The following PRKCQ variants were observed in gnomAD, a reference collection of about 807,000 sequenced individuals.
PRKCQ encodes protein kinase C theta type.
PRKCQ carries 41 observed loss-of-function variants against 91.2 expected under a neutral mutation model. The ratio of observed to expected loss-of-function variants is 0.45; its 90% CI spans 0.35 to 0.58. The LOEUF is 0.58. PRKCQ is among the 20% of genes least tolerant of loss of function. PRKCQ has a pLI of 0.00. For missense variants in PRKCQ, 673 were observed against 896.5 expected (o/e 0.75, Z 3.18); for synonymous variants, 307 against 316.9 (o/e 0.97, Z 0.33).
chr10:6,541,244 A>G (rs1367179996), intron 1 of PRKCQ, among the ~76,000 whole-genome samples: 2 of 152,036 alleles, frequency 1.3e-5, no homozygotes, highest in Non-Finnish European at 2.9e-5. Context: ...TAAGCTGTTG[A>G]CTCTGCGTAA....
rs768641267 is a variant in PRKCQ at position 6,486,020 on chromosome 10, G to A, written c.900+15C>T. The A allele has an allele frequency of 5.6e-6, 9 of 1,605,482 alleles. No individual in the cohort carries two copies. Among genetic ancestry groups the A allele is most frequent in the East Asian group, 2.2e-5 (1 of 44,722 alleles). Reference sequence around the variant, plus strand: ...GCGGCCATGGCGGGAACGTGTCCACGGCACATGCTCCTACCTGTTGAGTGC... The same window carrying A: ...GCGGCCATGGCGGGAACGTGTCCACAGCACATGCTCCTACCTGTTGAGTGC... On this transcript the variant is annotated intron_variant, in intron 9 of 17. Coordinates refer to ENST00000263125, the MANE Select transcript of PRKCQ (RefSeq NM_006257.5).
intron 4 of PRKCQ, among the ~76,000 whole-genome samples, chr10:6,501,903 C>T (rs1339252912): frequency 3.3e-5 from 5 of 152,036 alleles, no homozygotes; most frequent in African/African-American, 1.2e-4. Context: ...CAAGGTCAAC[C>T]TCCCAGAATC....
intron 1 of PRKCQ, among the ~76,000 whole-genome samples, chr10:6,519,193 G>A (rs1838900617): frequency 6.6e-6 from 1 of 152,186 alleles, no homozygotes; most frequent in South Asian, 2.1e-4. Flanking sequence ...GGATTTCCCT[G>A]GGTGTTTAAC....
At chr10:6,432,419 TC>T (rs147596607) in intron 16 of PRKCQ, among the ~76,000 whole-genome samples, 1,889 of 152,276 alleles carry the variant, frequency 0.012, 33 homozygotes, top group African/African-American at 0.042. Flanking sequence ...CTTTTAAAGT[TC>T]CGGGTGAAAT....
At chr10:6,531,527 A>G (rs1839394874) in intron 1 of PRKCQ, among the ~76,000 whole-genome samples, 1 of 151,402 alleles carries the variant, frequency 6.6e-6, no homozygotes, top group Non-Finnish European at 1.5e-5. Context: ...ACCCTGTTCT[A>G]AATAAATGGC....
At chr10:6,498,137 T>A (rs2130821362) in intron 5 of PRKCQ, among the ~76,000 whole-genome samples, 1 of 152,242 alleles carries the variant, frequency 6.6e-6, no homozygotes, top group Admixed American at 6.5e-5. Flanking sequence ...TCTTCCCACT[T>A]ACCCCCAATA....
At chr10:6,415,254 C>T in the PRKCQ span, among the ~76,000 whole-genome samples, 31 of 151,712 alleles carry the variant, frequency 2.0e-4, no homozygotes, top group African/African-American at 6.8e-4. Flanking sequence ...TGAGCCACTG[C>T]GCCTGGCCTG....
intron 15 of PRKCQ, among the ~76,000 whole-genome samples, chr10:6,443,026 A>C (rs1408493670): frequency 1.3e-5 from 2 of 152,216 alleles, no homozygotes; most frequent in Non-Finnish European, 2.9e-5. Context: ...AGCTACCTAC[A>C]GCTCGATAGC....
At chr10:6,450,892 C>T (rs149803240) in intron 15 of PRKCQ, among the ~76,000 whole-genome samples, 58,435 of 151,784 alleles carry the variant, frequency 0.38, 11,627 homozygotes, top group East Asian at 0.5. Context: ...AACAAAGACA[C>T]AACATACCAG....
chr10:6,458,840 G>C (rs760993918), intron 14 of PRKCQ, among the ~76,000 whole-genome samples: 9 of 152,168 alleles, frequency 5.9e-5, no homozygotes, highest in Non-Finnish European at 1.3e-4. Flanking sequence ...GTTCTTCTTA[G>C]TTCTAATACT....
chr10:6,482,497 C>T lies in PRKCQ; in HGVS notation c.1179+943G>A, dbSNP rs572458223. Among the ~76,000 whole-genome samples, 20 of 152,186 alleles carry T rather than the reference C, an allele frequency of 1.3e-4. No individual in the cohort carries two copies. The South Asian group carries it at 4.0e-3, about 30-fold the overall frequency. ...ATGATATGAAGGCATGGAGAGAGGG[C>T]GACCATTGCAAAGCATGGAGAGGGG... On this transcript the variant is annotated intron_variant, in intron 11 of 17. Coordinates refer to ENST00000263125, the MANE Select transcript of PRKCQ (RefSeq NM_006257.5).
chr10:6,561,110 C>T (rs1434884693), intron 1 of PRKCQ, among the ~76,000 whole-genome samples: 3 of 151,564 alleles, frequency 2.0e-5, no homozygotes, highest in Non-Finnish European at 4.4e-5. Flanking sequence ...GGTGCTCATA[C>T]CTGTAATCCC....
intron 1 of PRKCQ, among the ~76,000 whole-genome samples, chr10:6,567,400 C>T (rs1465060862): frequency 2.6e-5 from 4 of 152,252 alleles, no homozygotes; most frequent in African/African-American, 7.2e-5. Context: ...GCAGAACACA[C>T]GGATGGAGAT....
the PRKCQ span, among the ~76,000 whole-genome samples, chr10:6,420,129 T>G: frequency 6.6e-6 from 1 of 152,122 alleles, no homozygotes; most frequent in Non-Finnish European, 1.5e-5. Flanking sequence ...GCTGGGATTA[T>G]AGGTGCGCAC....
chr10:6,420,537 G>A, the PRKCQ span, among the ~76,000 whole-genome samples: 10 of 152,030 alleles, frequency 6.6e-5, no homozygotes, highest in South Asian at 2.1e-4. Context: ...CCTCACTCCC[G>A]CCTTTTTTTT....
At chr10:6,401,027 G>A in the PRKCQ span, among the ~76,000 whole-genome samples, 2 of 152,182 alleles carry the variant, frequency 1.3e-5, no homozygotes, top group African/African-American at 4.8e-5. Flanking sequence ...AATGGACTGA[G>A]TCACATAGCA....
intron 12 of PRKCQ, among the ~76,000 whole-genome samples, chr10:6,466,439 G>A (rs926957367): frequency 6.6e-6 from 1 of 152,180 alleles, no homozygotes; most frequent in African/African-American, 2.4e-5. Flanking sequence ...AGAAGACTAC[G>A]TTACTAGTGA....
At chr10:6,499,116 T>C (rs2130824398) in intron 4 of PRKCQ, among the ~76,000 whole-genome samples, 1 of 152,302 alleles carries the variant, frequency 6.6e-6, no homozygotes, top group African/African-American at 2.4e-5. Context: ...TGGGACATTG[T>C]GTCCTGGTTC....
At chr10:6,394,854 A>G in the PRKCQ span, among the ~76,000 whole-genome samples, 3 of 146,744 alleles carry the variant, frequency 2.0e-5, no homozygotes, top group Non-Finnish European at 4.5e-5. Context: ...GTTCTTCCAC[A>G]CATACATCAT....
Sources: gnomAD v4.1 joint callset for allele counts (sites outside exome capture counted in the v4.1 genomes callset) on GRCh38, gnomAD v4.1.1 for gene constraint, MANE v1.5 for transcripts, NCBI Gene and HGNC (gene_info 2026-07-23, HGNC 2026-07-21) for gene names.